Variants in C4orf50 observed in about 807,000 individuals in gnomAD.
C4orf50 encodes chromosome 4 open reading frame 50.
A neutral mutation model predicts 77.2 loss-of-function variants in C4orf50; 80 were observed. The observed-to-expected ratio is 1.04, with a 90% confidence interval of 0.87 to 1.25. The LOEUF (loss-of-function observed/expected upper bound fraction) is 1.25, where lower values mean the gene tolerates loss of function less well. C4orf50 is among the 50% of genes most tolerant of loss of function. C4orf50 has a pLI of 0.00. For synonymous variants in C4orf50, 532 were observed against 465.3 expected, an observed-to-expected ratio of 1.14 and a Z score of -1.84; for missense variants, 1,257 against 1,152.9, an observed-to-expected ratio of 1.09 and a Z score of -1.31.
At chr4:6,016,521 C>G (rs1722690774) in intron 23 of C4orf50, among the ~76,000 whole-genome samples, 6 of 152,120 alleles carry the variant, frequency 3.9e-5, no homozygotes, top group Admixed American at 3.9e-4. Flanking sequence ...TTCACTCCAG[C>G]CTGGGTGACA....
chr4:6,001,279 A>G (rs1313732838), intron 25 of C4orf50, among the ~76,000 whole-genome samples: 1 of 152,188 alleles, frequency 6.6e-6, no homozygotes, highest in Admixed American at 6.5e-5. Flanking sequence ...CCTCCCGAGT[A>G]GCTGGGATTA....
intron 26 of C4orf50, among the ~76,000 whole-genome samples, chr4:5,993,697 A>C (rs1721417735): frequency 6.6e-6 from 1 of 152,078 alleles, no homozygotes; most frequent in South Asian, 2.1e-4. Flanking sequence ...GGAGCCTGTA[A>C]TCCCAGCTAC....
At chr4:5,957,692 T>G (rs1719046058) in exon 34 of C4orf50, 1 of 152,000 alleles carries the variant, frequency 6.6e-6, no homozygotes, top group Non-Finnish European at 1.5e-5. Flanking sequence ...AATAAATAAA[T>G]AAATAGACAG....
intron 7 of C4orf50, among the ~76,000 whole-genome samples, chr4:5,907,035 G>T (rs1227325723): frequency 6.6e-6 from 1 of 152,148 alleles, no homozygotes; most frequent in East Asian, 1.9e-4. Flanking sequence ...TCCATGCTAT[G>T]CTCATGCATT....
chr4:6,006,014 T>C (rs1722237661), intron 25 of C4orf50, among the ~76,000 whole-genome samples: 1 of 152,244 alleles, frequency 6.6e-6, no homozygotes, highest in African/African-American at 2.4e-5. Flanking sequence ...TTTCCATCTG[T>C]GCACACTTGT....
At chr4:5,925,757 G>T (rs1361341707) in intron 7 of C4orf50, among the ~76,000 whole-genome samples, 2 of 152,244 alleles carry the variant, frequency 1.3e-5, no homozygotes, top group African/African-American at 2.4e-5. Context: ...CTACACCAGG[G>T]TTTGGGAGCG....
At chr4:5,997,054 G>A (rs1721623447) in intron 25 of C4orf50, among the ~76,000 whole-genome samples, 1 of 152,166 alleles carries the variant, frequency 6.6e-6, no homozygotes, top group Non-Finnish European at 1.5e-5. Context: ...AAAAGGAGAG[G>A]GAATAGGATA....
intron 28 of C4orf50, among the ~76,000 whole-genome samples, chr4:5,983,606 G>T (rs1720714399): frequency 6.6e-6 from 1 of 152,226 alleles, no homozygotes; most frequent in Non-Finnish European, 1.5e-5. Context: ...GTAATGCTTT[G>T]CAGGCATTGG....
At chr4:5,973,098 A>C (rs1720026724) in intron 31 of C4orf50, among the ~76,000 whole-genome samples, 1 of 152,184 alleles carries the variant, frequency 6.6e-6, no homozygotes, top group African/African-American at 2.4e-5. Context: ...ATGGCTATGG[A>C]GCGGCTCTGG....
downstream of C4orf50, among the ~76,000 whole-genome samples, chr4:5,956,014 C>T (rs1009785645): frequency 6.6e-6 from 1 of 152,164 alleles, no homozygotes; most frequent in Admixed American, 6.5e-5. Context: ...CTCCTCTGAC[C>T]CAGGATTTCC....
At chr4:5,985,626 A>G (rs544860280) in intron 28 of C4orf50, among the ~76,000 whole-genome samples, 1 of 152,124 alleles carries the variant, frequency 6.6e-6, no homozygotes, top group Non-Finnish European at 1.5e-5. Context: ...GAAAGAAAGA[A>G]TAAAAGAAAA....
At chr4:5,981,624 G>A (rs1021033075) in intron 28 of C4orf50, among the ~76,000 whole-genome samples, 11 of 151,978 alleles carry the variant, frequency 7.2e-5, no homozygotes, top group African/African-American at 2.2e-4. Flanking sequence ...GGCTAGTCTC[G>A]AACTCCAGAC....
chr4:5,999,871 G>A (rs1721753921), intron 25 of C4orf50, among the ~76,000 whole-genome samples: 1 of 152,146 alleles, frequency 6.6e-6, no homozygotes, highest in Non-Finnish European at 1.5e-5. Flanking sequence ...GAGTGGGGGT[G>A]GGCACTAGAA....
In C4orf50 at chr4:5,987,574, AAGAG is replaced by A. The variant is rs144985682; in HGVS notation, c.3699+769_3699+772del. Among the ~76,000 whole-genome samples the A allele has an allele frequency of 3.6e-3, 553 of 151,722 alleles. 2 individuals carry two copies. The highest frequency in any genetic ancestry group is 0.013 in the African/African-American group (527 of 41,350). The stretch of plus-strand genomic sequence containing the variant: ...GAGGAAAGAGAGAAAGGAAAGAAGG[AAGAG>A]AGAGACAAAGAGAGAAAGAGGGAAA... On this transcript the variant is annotated intron_variant, in intron 28 of 33. Transcript: ENST00000531445.
chr4:5,995,296 C>T (rs141025859), intron 25 of C4orf50, among the ~76,000 whole-genome samples: 41 of 152,232 alleles, frequency 2.7e-4, no homozygotes, highest in African/African-American at 9.9e-4. Flanking sequence ...GGGTTTGGAC[C>T]GTCCTGTCCT....
chr4:5,950,847 G>A (rs1235694386), intron 7 of C4orf50, among the ~76,000 whole-genome samples: 3 of 152,186 alleles, frequency 2.0e-5, no homozygotes, highest in Non-Finnish European at 4.4e-5. Flanking sequence ...CATAGGAGAC[G>A]ATCAGTAAGC....
intron 7 of C4orf50, among the ~76,000 whole-genome samples, chr4:5,951,863 G>A (rs1361685900): frequency 6.6e-6 from 1 of 152,144 alleles, no homozygotes; most frequent in Non-Finnish European, 1.5e-5. Flanking sequence ...AGCAGCAGGT[G>A]GTGGTGTAAT....
chr4:5,926,087 C>T (rs545791157), intron 7 of C4orf50, among the ~76,000 whole-genome samples: 7 of 152,312 alleles, frequency 4.6e-5, no homozygotes, highest in East Asian at 1.9e-4. Context: ...GTTTTCCTTT[C>T]GCCCAACGTG....
At chr4:5,993,870 G>A (rs191439962) in intron 26 of C4orf50, among the ~76,000 whole-genome samples, 12,727 of 146,298 alleles carry the variant, frequency 0.087, 634 homozygotes, top group African/African-American at 0.15. Context: ...AAAAAAAAAA[G>A]AGAGAGAGAG....
Sources: gnomAD v4.1 joint callset for allele counts (sites outside exome capture counted in the v4.1 genomes callset) on GRCh38, gnomAD v4.1.1 for gene constraint, MANE v1.5 for transcripts, NCBI Gene and HGNC (gene_info 2026-07-23, HGNC 2026-07-21) for gene names.